The following RAB6A variants were observed in gnomAD, a reference collection of about 807,000 sequenced individuals.
The protein encoded by RAB6A is ras-related protein Rab-6A.
RAB6A carries 8 observed loss-of-function variants against 32.3 expected under a neutral mutation model. That is an observed-to-expected ratio of 0.25 (90% CI 0.15 to 0.45). RAB6A has a LOEUF of 0.45. Among genes scored for constraint, RAB6A ranks in the 20% least tolerant of loss-of-function variants. RAB6A has a pLI of 1.00. For synonymous variants in RAB6A, 73 were observed against 82.1 expected, an observed-to-expected ratio of 0.89 and a Z score of 0.60; for missense variants, 104 against 249.4, an observed-to-expected ratio of 0.42 and a Z score of 3.93.
chr11:73,725,064 C>T (rs1364317423), intron 2 of RAB6A, among the ~76,000 whole-genome samples: 3 of 152,152 alleles, frequency 2.0e-5, no homozygotes, highest in Non-Finnish European at 4.4e-5. Context: ...AGGGCATTTA[C>T]TGCAGTATAC....
chr11:73,744,888 T>G (rs1450290850), intron 1 of RAB6A, among the ~76,000 whole-genome samples: 1 of 150,700 alleles, frequency 6.6e-6, no homozygotes, highest in Non-Finnish European at 1.5e-5. Context: ...GGCAGGAGAA[T>G]CGCTTGAACC....
At chr11:73,710,460 G>A (rs141944040) in intron 5 of RAB6A, among the ~76,000 whole-genome samples, 169 of 151,752 alleles carry the variant, frequency 1.1e-3, no homozygotes, top group Middle Eastern at 3.4e-3. Context: ...AGATCTAGCC[G>A]GGTGTGGTGG....
At chr11:73,727,871 AGTT>A (rs1293902911) in intron 2 of RAB6A, among the ~76,000 whole-genome samples, 2 of 152,228 alleles carry the variant, frequency 1.3e-5, no homozygotes, top group Non-Finnish European at 2.9e-5. Context: ...ATTGAAATCA[AGTT>A]TTTTTCTTTA....
chr11:73,700,978 C>T (rs1373759719), intron 6 of RAB6A, among the ~76,000 whole-genome samples: 1 of 152,040 alleles, frequency 6.6e-6, no homozygotes, highest in Non-Finnish European at 1.5e-5. Context: ...TCACTTGAAT[C>T]ATGATTAGAT....
intron 5 of RAB6A, among the ~76,000 whole-genome samples, chr11:73,708,872 A>C (rs944023142): frequency 6.6e-6 from 1 of 152,158 alleles, no homozygotes; most frequent in African/African-American, 2.4e-5. Flanking sequence ...ACTTACATCT[A>C]TGTATTAGAT....
intron 6 of RAB6A, among the ~76,000 whole-genome samples, chr11:73,700,714 T>G (rs1017066978): frequency 2.0e-5 from 3 of 151,972 alleles, no homozygotes; most frequent in Non-Finnish European, 2.9e-5. Context: ...AAACACATTT[T>G]ACTTAAATAT....
chr11:73,717,628 G>A (rs182891883), intron 4 of RAB6A, among the ~76,000 whole-genome samples: 4 of 152,292 alleles, frequency 2.6e-5, no homozygotes, highest in African/African-American at 9.6e-5. Flanking sequence ...ATTTTTAGTA[G>A]AGATGGAGTT....
At chr11:73,681,139 C>T (rs1326850805) in intron 6 of RAB6A, among the ~76,000 whole-genome samples, 1 of 152,134 alleles carries the variant, frequency 6.6e-6, no homozygotes, top group Non-Finnish European at 1.5e-5. Context: ...GGCAGTGTAT[C>T]AGGCAGCCTC....
At chr11:73,734,355 A>C (rs895641872) in intron 1 of RAB6A, among the ~76,000 whole-genome samples, 3 of 151,972 alleles carry the variant, frequency 2.0e-5, no homozygotes, top group Non-Finnish European at 4.4e-5. Context: ...CAAACTCCTG[A>C]CCTCAGGTGA....
intron 1 of RAB6A, among the ~76,000 whole-genome samples, chr11:73,732,787 A>G (rs1946336823): frequency 6.6e-6 from 1 of 151,884 alleles, no homozygotes; most frequent in African/African-American, 2.4e-5. Context: ...AGATCTGTTC[A>G]GGCAGCTATC....
intron 6 of RAB6A, among the ~76,000 whole-genome samples, chr11:73,693,957 C>T (rs1945616864): frequency 6.6e-6 from 1 of 151,936 alleles, no homozygotes; most frequent in African/African-American, 2.4e-5. Flanking sequence ...ATTAGAAATA[C>T]CTCAGGAAAG....
chr11:73,757,117 ATATATATATATATTTTTTT>A (rs1946765856), intron 1 of RAB6A, among the ~76,000 whole-genome samples: 1 of 42,324 alleles, frequency 2.4e-5, no homozygotes, highest in Admixed American at 2.8e-4. Flanking sequence ...ATATATATAT[ATATATATATATATTTTTTT>A]TTTTTTTTTT....
chr11:73,697,305 T>C (rs1489634624), intron 6 of RAB6A, among the ~76,000 whole-genome samples: 1 of 152,112 alleles, frequency 6.6e-6, no homozygotes, highest in African/African-American at 2.4e-5. Flanking sequence ...TTATCCTTCT[T>C]ACCCTACTTT....
chr11:73,759,947 T>TG (rs1424447252), intron 1 of RAB6A: 23 of 553,334 alleles, frequency 4.2e-5, no homozygotes, highest in African/African-American at 4.1e-4. Flanking sequence ...AACCACCCCA[T>TG]GCTCAAGTCG....
chr11:73,744,916 A>C (rs1565377838), intron 1 of RAB6A, among the ~76,000 whole-genome samples: 2 of 151,722 alleles, frequency 1.3e-5, no homozygotes, highest in African/African-American at 4.8e-5. Flanking sequence ...TGGAGGTTGC[A>C]GTGAGCCGAG....
At chr11:73,756,806 T>C (rs1169362330) in intron 1 of RAB6A, among the ~76,000 whole-genome samples, 1 of 152,140 alleles carries the variant, frequency 6.6e-6, no homozygotes, top group Non-Finnish European at 1.5e-5. Flanking sequence ...CCTGAGTAGC[T>C]GGGATTACAG....
intron 1 of RAB6A, among the ~76,000 whole-genome samples, chr11:73,731,725 TATATATACAC>T (rs1471358024): frequency 0.054 from 470 of 8,706 alleles, 34 homozygotes; most frequent in African/African-American, 0.11. Context: ...TATATATATA[TATATATACAC>T]ACACACACAC....
intron 1 of RAB6A, among the ~76,000 whole-genome samples, chr11:73,738,083 G>A (rs1308326147): frequency 1.3e-5 from 2 of 151,334 alleles, no homozygotes; most frequent in African/African-American, 4.9e-5. Context: ...TATATGATAT[G>A]TAAACTTTAG....
intron 6 of RAB6A, 35 bp from the exon 7 acceptor site, chr11:73,679,755 G>C (rs1208798303): frequency 6.2e-7 from 1 of 1,611,524 alleles, no homozygotes; most frequent in Non-Finnish European, 8.5e-7. Context: ...AACTGAGAGG[G>C]AACATTTAGC....
Sources: gnomAD v4.1 joint callset for allele counts (sites outside exome capture counted in the v4.1 genomes callset) on GRCh38, gnomAD v4.1.1 for gene constraint, MANE v1.5 for transcripts, NCBI Gene and HGNC (gene_info 2026-07-23, HGNC 2026-07-21) for gene names.